BRD3: variants seen among roughly 807,000 people sequenced by gnomAD.
BRD3 encodes bromodomain-containing protein 3.
Under a neutral mutation model 66.8 loss-of-function variants are expected in BRD3, and 17 were observed. That is an observed-to-expected ratio of 0.25 (90% CI 0.17 to 0.38). BRD3 has a LOEUF of 0.38. Ranked by LOEUF, BRD3 falls within the 10% of genes least tolerant of loss-of-function variation. The pLI, the probability that BRD3 is intolerant of heterozygous loss-of-function variation, is 1.00. For missense variants in BRD3, 713 were observed against 956.1 expected (o/e 0.75, Z 3.35); for synonymous variants, 421 against 393.2 (o/e 1.07, Z -0.84).
intron 1 of BRD3, among the ~76,000 whole-genome samples, chr9:134,059,920 C>T (rs533997115): frequency 1.5e-4 from 23 of 152,296 alleles, no homozygotes; most frequent in African/African-American, 5.5e-4. Flanking sequence ...GGCAGGGAAG[C>T]GGTGGGTCCT....
At position 134,052,233 on chromosome 9, in the gene BRD3, C is replaced by T. The variant is rs544293230; in HGVS notation, c.351+73G>A. The T allele has an allele frequency of 5.1e-6, 8 of 1,560,164 alleles. No homozygotes were observed. The East Asian group carries it at 9.0e-5, about 18-fold the overall frequency. On this transcript the variant is annotated intron_variant, in intron 3 of 11. Transcript: ENST00000303407. Reference sequence around the variant, plus strand: ...GGCCTGCCCAAGAGCTGCTGCAAAGCGCCCAGGCCCACTGCGTTGCACAGC... The same window carrying T: ...GGCCTGCCCAAGAGCTGCTGCAAAGTGCCCAGGCCCACTGCGTTGCACAGC...
chr9:134,055,204 C>G (rs1376251915), intron 1 of BRD3, among the ~76,000 whole-genome samples: 2 of 152,226 alleles, frequency 1.3e-5, no homozygotes, highest in Non-Finnish European at 2.9e-5. Flanking sequence ...CTGCTCTGCC[C>G]CGCAAGGACC....
rs1260828622 is a variant in BRD3 at position 134,033,008 on chromosome 9, A to G, written c.*582T>C. The G allele has an allele frequency of 5.0e-6, 2 of 397,468 alleles. No homozygotes were observed. Among genetic ancestry groups the G allele is most frequent in the East Asian group, 3.6e-5 (1 of 28,052 alleles). The allele number at this position is 397,468 out of a possible 1,614,324, so 24.6% of individuals were successfully genotyped here. ...GCACATCCCACCCGACCACCCCCCA[A>G]GGGCTCCACGCTCCGGGCTGGGGCT... On this transcript the variant is annotated 3_prime_UTR_variant, in exon 12 of 12. Coordinates refer to ENST00000303407, the MANE Select transcript of BRD3 (RefSeq NM_007371.4). The surrounding 1 kb of genome is among the most constrained non-coding windows in gnomAD (Gnocchi z 5.1).
chr9:134,038,194 G>A (rs189511466), intron 9 of BRD3, among the ~76,000 whole-genome samples: 297 of 151,938 alleles, frequency 2.0e-3, no homozygotes, highest in Non-Finnish European at 3.1e-3. Context: ...TTGCTCTGTC[G>A]CCCAGGCTGG....
chr9:134,043,459 G>A (rs1334535329), intron 7 of BRD3, among the ~76,000 whole-genome samples: 1 of 152,212 alleles, frequency 6.6e-6, no homozygotes, highest in Non-Finnish European at 1.5e-5. Context: ...GTCTGCTCAC[G>A]TGACATGCCT....
chr9:134,031,171 A>AGGAGCAGAGG lies in BRD3; in HGVS notation c.*2409_*2418dup. 4.4e-6 allele frequency: 1 copy of AGGAGCAGAGG among 225,374 alleles called. No individual in the cohort carries two copies. Among genetic ancestry groups the AGGAGCAGAGG allele is most frequent in the Non-Finnish European group, 8.8e-6 (1 of 113,118 alleles). The allele number at this position is 225,374 out of a possible 1,614,324, so 14.0% of individuals were successfully genotyped here. ...GGTCAGTGGCTTCTTTCTAGATGAA[A>AGGAGCAGAGG]GGAGCAGAGGCGAGCCGACGCCACC... is the stretch of plus-strand genomic sequence containing the variant. On this transcript the variant is annotated 3_prime_UTR_variant, in exon 12 of 12. Transcript: ENST00000303407.
At chr9:134,051,880 G>GTATGTTGTTTTTTTTT (rs1830310584) in intron 3 of BRD3, among the ~76,000 whole-genome samples, 171 bp from the exon 4 acceptor site, 1 of 113,660 alleles carries the variant, frequency 8.8e-6, no homozygotes, top group South Asian at 2.7e-4. Flanking sequence ...TGTGTGTGTT[G>GTATGTTGTTTTTTTTT]TTTTTTTTGT....
chr9:134,047,753 C>G (rs902509647), intron 6 of BRD3, among the ~76,000 whole-genome samples: 1 of 152,206 alleles, frequency 6.6e-6, no homozygotes, highest in African/African-American at 2.4e-5. Context: ...AAAACTTTGC[C>G]AACTGTGAGA....
chr9:134,039,449 C>T (rs1352162880), intron 9 of BRD3, among the ~76,000 whole-genome samples: 4 of 152,218 alleles, frequency 2.6e-5, no homozygotes, highest in African/African-American at 9.7e-5. Context: ...TTGGAACTCC[C>T]TCCCTGGCCC....
chr9:134,037,440 G>A (rs1300770681), intron 9 of BRD3, among the ~76,000 whole-genome samples: 5 of 152,154 alleles, frequency 3.3e-5, no homozygotes, highest in South Asian at 4.1e-4. Context: ...GCACGGTGGC[G>A]GGCACCTGTA....
In BRD3 at chr9:134,032,585, C is replaced by A; in HGVS notation, c.*1005G>T. 4.3e-6 allele frequency: 1 copy of A among 231,496 alleles called. No individual in the cohort carries two copies. Among genetic ancestry groups the A allele is most frequent in the Non-Finnish European group, 8.6e-6 (1 of 116,920 alleles). 14.3% of individuals were successfully genotyped at this position (231,496 alleles called of 1,614,324 possible). On this transcript the variant is annotated 3_prime_UTR_variant, in exon 12 of 12. Coordinates refer to ENST00000303407, the MANE Select transcript of BRD3 (RefSeq NM_007371.4). Reference sequence around the variant, plus strand: ...CGACAGGCCGCCGCCAGACAGGACCCGCGCCCGGCACACCACTGGCAAGGC... The same window carrying A: ...CGACAGGCCGCCGCCAGACAGGACCAGCGCCCGGCACACCACTGGCAAGGC...
chr9:134,050,426 G>A lies in BRD3; in HGVS notation c.662C>T (p.Pro221Leu). ...VPVPPAAAPP[P>L]PATPIVPVVP... ...CACGGGGACGATGGGTGTGGCAGGA[G>A]GAGGTGGGGCGGCAGCTGGGGGGAC... Residue 221 changes from proline to leucine, a missense_variant, in exon 5 of 12, where the codon CCT (proline) becomes CTT (leucine). Pro to Leu is a moderately conservative substitution (Grantham distance 98, BLOSUM62 -3). Coordinates refer to ENST00000303407, the MANE Select transcript of BRD3 (RefSeq NM_007371.4). 6.2e-7 allele frequency: 1 copy of A among 1,612,118 alleles called. No individual in the cohort carries two copies.
At position 134,033,647 on chromosome 9, in the gene BRD3, G is replaced by A. The variant is rs753316014; in HGVS notation, c.2124C>T (p.Ser708=). ...CGCTGGAGCTGCTGCTCCCAGACTC[G>A]GAGGAGCTGCTGCTGCTGAGCCTGG... ...GPSRLSSSSS[S]ESGSSSSSGS... The change falls in exon 12 of 12, where the codon TCC becomes TCT. Residue 708 remains serine, a synonymous_variant. Coordinates refer to ENST00000303407, the MANE Select transcript of BRD3 (RefSeq NM_007371.4). The surrounding 1 kb of genome is among the most constrained non-coding windows in gnomAD (Gnocchi z 5.1). 26 of 770,668 alleles carry A rather than the reference G, an allele frequency of 3.4e-5. No homozygotes were observed. In the African/African-American group the frequency reaches 3.7e-4, roughly 11 times the overall value. The allele number at this position is 770,668 out of a possible 1,614,324, so 47.7% of individuals were successfully genotyped here. A position where few individuals can be genotyped will look rare whatever the true frequency, so the allele number is the denominator to read the frequency against.
rs1843536140 is a variant in BRD3 at position 134,032,937 on chromosome 9, C to G, written c.*653G>C. 1.3e-5 allele frequency: 5 copies of G among 388,700 alleles called. No individual in the cohort carries two copies. Among genetic ancestry groups the G allele is most frequent in the Admixed American group, 9.0e-5 (2 of 22,274 alleles). The allele number at this position is 388,700 out of a possible 1,614,324, so 24.1% of individuals were successfully genotyped here. ...AACCTGCAGGCTGCATACACAGCCG[C>G]TCTGTTCCCTCCGAGGAGCTCCTGA... On this transcript the variant is annotated 3_prime_UTR_variant, in exon 12 of 12. Transcript: ENST00000303407.
In BRD3 at chr9:134,050,291, C is replaced by G. The variant is rs148250297; in HGVS notation, c.714+83G>C. ...GCCAGCACTCAGGGAAAGGTGGGGG[C>G]CCCCCGCCTGCTGCTCCTGCCCTGA... On this transcript the variant is annotated intron_variant, in intron 5 of 11. Coordinates refer to ENST00000303407, the MANE Select transcript of BRD3 (RefSeq NM_007371.4). 8.1e-6 allele frequency: 11 copies of G among 1,364,500 alleles called. No homozygotes were observed. In the Admixed American group the frequency reaches 1.5e-4, roughly 19 times the overall value. The allele number at this position is 1,364,500 out of a possible 1,614,324, so 84.5% of individuals were successfully genotyped here. A position where few individuals can be genotyped will look rare whatever the true frequency, so the allele number is the denominator to read the frequency against.
chr9:134,058,853 G>C (rs1281839065), intron 1 of BRD3: 1 of 152,336 alleles, frequency 6.6e-6, no homozygotes, highest in Admixed American at 6.5e-5. Flanking sequence ...GCTGGCCGAA[G>C]AGGGCTCCAT....
chr9:134,063,730 C>T (rs541491765), intron 1 of BRD3, among the ~76,000 whole-genome samples: 7 of 152,348 alleles, frequency 4.6e-5, no homozygotes, highest in Non-Finnish European at 1.0e-4. Flanking sequence ...GGCACTCCCT[C>T]TGCCCCAGAC....
At chr9:134,052,234 G>A (rs1339106311) in intron 3 of BRD3, 72 bp downstream of exon 3, 23 of 1,569,258 alleles carry the variant, frequency 1.5e-5, no homozygotes, top group African/African-American at 2.8e-5. Flanking sequence ...GCTGCAAAGC[G>A]CCCAGGCCCA....
intron 2 of BRD3, among the ~76,000 whole-genome samples, chr9:134,052,974 A>C (rs185932377): frequency 4.8e-4 from 73 of 152,358 alleles, no homozygotes; most frequent in African/African-American, 1.7e-3. Flanking sequence ...AGGCAGAAGA[A>C]GGCCCCAGTG....
Sources: allele counts gnomAD v4.1 joint callset (sites outside exome capture counted in the v4.1 genomes callset), GRCh38; gene constraint gnomAD v4.1.1; non-coding constraint Gnocchi (gnomAD v3.1); transcripts MANE v1.5; gene names NCBI Gene and HGNC (gene_info 2026-07-23, HGNC 2026-07-21).